Variants in UMPS observed in about 807,000 individuals in gnomAD.
The protein encoded by UMPS is uridine 5'-monophosphate synthase.
Under a neutral mutation model 38.9 loss-of-function variants are expected in UMPS, and 21 were observed. That is an observed-to-expected ratio of 0.54 (90% confidence interval 0.38 to 0.78). UMPS has a LOEUF of 0.78. Among genes scored for constraint, UMPS ranks in the 30% least tolerant of loss-of-function variants. The probability of loss-of-function intolerance (pLI) is 0.00; values close to 1 mark genes in which losing one functional copy is unlikely to be tolerated. For missense variants in UMPS, 533 were observed against 591.6 expected (o/e 0.90, Z 1.03); for synonymous variants, 208 against 219.3 (o/e 0.95, Z 0.45).
intron 5 of UMPS, among the ~76,000 whole-genome samples, chr3:124,743,194 C>T (rs180819483): frequency 1.3e-5 from 2 of 152,092 alleles, no homozygotes; most frequent in African/African-American, 4.8e-5. Flanking sequence ...ATTAGCCGGG[C>T]GTGGTGGTGC....
intron 5 of UMPS, among the ~76,000 whole-genome samples, chr3:124,743,621 G>C (rs2063572569): frequency 6.6e-6 from 1 of 151,958 alleles, no homozygotes; most frequent in Non-Finnish European, 1.5e-5. Flanking sequence ...CTGGGTGACA[G>C]AGCGAGACTC....
chr3:124,747,896 G>C lies in UMPS; in HGVS notation c.*3812G>C. 1 of 453,674 alleles carries C rather than the reference G, an allele frequency of 2.2e-6. No homozygotes were observed. The highest frequency in any genetic ancestry group is 1.6e-5 in the South Asian group (1 of 64,462). 28.1% of individuals were successfully genotyped at this position (453,674 alleles called of 1,614,324 possible). On this transcript the variant is annotated 3_prime_UTR_variant, in exon 6 of 6. Transcript: ENST00000232607. ...AGTGTCAGTCATTGAAAATGACCAT[G>C]AGTAACCCTGTGGACTCTCTGCAGC...
Position 124,746,460 on chromosome 3 carries a change from C to T in UMPS, c.*2376C>T. 2 of 454,090 alleles carry T rather than the reference C, an allele frequency of 4.4e-6. No homozygotes were observed. The highest frequency in any genetic ancestry group is 1.6e-5 in the South Asian group (1 of 64,476). The allele number at this position is 454,090 out of a possible 1,614,324, so 28.1% of individuals were successfully genotyped here. A position where few individuals can be genotyped will look rare whatever the true frequency, so the allele number is the denominator to read the frequency against. On this transcript the variant is annotated 3_prime_UTR_variant, in exon 6 of 6. Coordinates refer to ENST00000232607, the MANE Select transcript of UMPS (RefSeq NM_000373.4). ...TTACCTAAGCAGAATCCCAGTCTGG[C>T]ATCAAAGCTTTAGAGGACAAGTTGA...
intron 1 of UMPS, among the ~76,000 whole-genome samples, chr3:124,734,398 C>T (rs1294729628): frequency 6.6e-6 from 1 of 152,126 alleles, no homozygotes. Context: ...TTGAAGGCTT[C>T]TTTCAGGATA....
intron 5 of UMPS, 158 bp downstream of exon 5, chr3:124,742,424 A>G: frequency 1.6e-6 from 1 of 643,404 alleles, no homozygotes; most frequent in Non-Finnish European, 2.8e-6. Flanking sequence ...ATCTTTGGAC[A>G]AGTCAGTTTA....
chr3:124,731,967 A>T (rs1028735452), intron 1 of UMPS, among the ~76,000 whole-genome samples: 5 of 142,782 alleles, frequency 3.5e-5, no homozygotes, highest in South Asian at 4.4e-4. Context: ...CCAAATTAAA[A>T]ATTTTTTTTT....
At chr3:124,739,533 C>G (rs1158234426) in intron 3 of UMPS, among the ~76,000 whole-genome samples, 1 of 151,906 alleles carries the variant, frequency 6.6e-6, no homozygotes, top group East Asian at 1.9e-4. Flanking sequence ...GGAGTTTTGC[C>G]ATGTTGCCCA....
rs1395684350 is a variant in UMPS at position 124,746,267 on chromosome 3, C to T, written c.*2183C>T. 1.1e-5 allele frequency: 5 copies of T among 453,926 alleles called. No homozygotes were observed. The East Asian group carries it at 2.8e-4, about 25-fold the overall frequency. 28.1% of individuals were successfully genotyped at this position (453,926 alleles called of 1,614,324 possible). A position where few individuals can be genotyped will look rare whatever the true frequency, so the allele number is the denominator to read the frequency against. On this transcript the variant is annotated 3_prime_UTR_variant, in exon 6 of 6. Coordinates refer to ENST00000232607, the MANE Select transcript of UMPS (RefSeq NM_000373.4). ...TCAAATAATCACCCAGCCCCTGCCA[C>T]TTACTGAAAGTGTAGGTCCTTGTGC...
At position 124,744,070 on chromosome 3, in the gene UMPS, A is replaced by T; in HGVS notation, c.1429A>T (p.Arg477Ter). 2.5e-6 allele frequency: 4 copies of T among 1,614,142 alleles called. No homozygotes were observed. Among genetic ancestry groups the T allele is most frequent in the Non-Finnish European group, 3.4e-6 (4 of 1,179,986 alleles). The change falls in exon 6 of 6, where the codon AGA (arginine) becomes TGA (stop). Residue 477 changes from arginine to a stop codon, truncating the protein, a stop_gained. Coordinates refer to ENST00000232607, the MANE Select transcript of UMPS (RefSeq NM_000373.4). LOFTEE classifies it high-confidence loss of function. ...AGCTGCTTGGGAAGCGTATTTGAGTAGACTTGGTGTTTGAGTGCTTCAGAT... is the reference window on the plus strand; with the variant it reads ...AGCTGCTTGGGAAGCGTATTTGAGTTGACTTGGTGTTTGAGTGCTTCAGAT... ...RKAAWEAYLSRLGV is the reference protein window; with the variant it reads ...RKAAWEAYLS
At chr3:124,736,420 CATATT>C (rs17843813) in intron 2 of UMPS, among the ~76,000 whole-genome samples, 25,941 of 151,726 alleles carry the variant, frequency 0.17, 2,402 homozygotes, top group Admixed American at 0.25. Context: ...AAAAAAGAAA[CATATT>C]AGTTGAGTTT....
At chr3:124,741,032 C>G (rs1030243978) in intron 4 of UMPS, among the ~76,000 whole-genome samples, 3 of 152,126 alleles carry the variant, frequency 2.0e-5, no homozygotes, top group Non-Finnish European at 4.4e-5. Flanking sequence ...TGTGAAGATT[C>G]TAGAAGTAAA....
At chr3:124,739,052 A>T (rs756746317) in intron 3 of UMPS, among the ~76,000 whole-genome samples, 30 of 152,216 alleles carry the variant, frequency 2.0e-4, no homozygotes, top group Non-Finnish European at 3.5e-4. Context: ...TCTTTAAGTG[A>T]CTTCTTCATG....
At chr3:124,740,400 G>A (rs573307552) in intron 4 of UMPS, among the ~76,000 whole-genome samples, 1 of 152,256 alleles carries the variant, frequency 6.6e-6, no homozygotes, top group South Asian at 2.1e-4. Context: ...GGACACTTCA[G>A]GAATTTGAAT....
chr3:124,730,586 G>C lies in UMPS; in HGVS notation c.115G>C (p.Asp39His). The change falls in exon 1 of 6, where the codon GAT (aspartate) becomes CAT (histidine). Residue 39 changes from aspartate (D) to histidine (H), a missense_variant. Asp to His is a moderately conservative substitution (Grantham distance 81). Transcript: ENST00000232607. ...KSGLSSPIYI[D>H]LRGIVSRPRL... Reference sequence around the variant, plus strand: ...CGGGCTTTCCTCCCCCATCTACATCGATCTGCGGGGCATCGTGTCTCGACC... The same window carrying C: ...CGGGCTTTCCTCCCCCATCTACATCCATCTGCGGGGCATCGTGTCTCGACC... 1 of 1,612,898 alleles carries C rather than the reference G, an allele frequency of 6.2e-7. No homozygotes were observed. The highest frequency in any genetic ancestry group is 8.5e-7 in the Non-Finnish European group (1 of 1,178,994).
Position 124,742,179 on chromosome 3 carries a change from T to C in UMPS, c.1186T>C (p.Phe396Leu), listed in dbSNP as rs568154000. 6.2e-7 allele frequency: 1 copy of C among 1,614,058 alleles called. No homozygotes were observed. Among genetic ancestry groups the C allele is most frequent in the African/African-American group, 1.3e-5 (1 of 75,018 alleles). The change falls in exon 5 of 6, where the codon TTT becomes CTT. Residue 396 changes from phenylalanine to leucine, a missense_variant. Transcript: ENST00000232607. ...AVRMAEEHSE[F>L]VVGFISGSRV... ...TAGAATGGCTGAGGAGCACTCTGAA[T>C]TTGTTGTTGGTTTTATTTCTGGCTC...
chr3:124,740,318 T>C, intron 4 of UMPS, 119 bp downstream of exon 4: 1 of 1,006,680 alleles, frequency 9.9e-7, no homozygotes, highest in Non-Finnish European at 1.5e-6. Context: ...CCAGCTCTTG[T>C]TAGTGTGACA....
chr3:124,737,293 G>T (rs1465727680), intron 2 of UMPS: 2 of 347,746 alleles, frequency 5.8e-6, no homozygotes, highest in Non-Finnish European at 1.0e-5. Context: ...TTGAAAATTT[G>T]ATCATAAAAC....
rs886057895 is a variant in UMPS at position 124,748,315 on chromosome 3, A to G, written c.*4231A>G. 6.8e-5 allele frequency: 31 copies of G among 453,862 alleles called. No individual in the cohort carries two copies. The highest frequency in any genetic ancestry group is 1.2e-4 in the Admixed American group (5 of 42,538). The allele number at this position is 453,862 out of a possible 1,614,324, so 28.1% of individuals were successfully genotyped here. A position where few individuals can be genotyped will look rare whatever the true frequency, so the allele number is the denominator to read the frequency against. ...TTTGGATTACAGGATGTAGAATGCCATATTTTTCTTAGATCATAGGGCCTT... is the reference window on the plus strand; with the variant it reads ...TTTGGATTACAGGATGTAGAATGCCGTATTTTTCTTAGATCATAGGGCCTT... On this transcript the variant is annotated 3_prime_UTR_variant, in exon 6 of 6. Transcript: ENST00000232607.
chr3:124,748,862 A>G lies in UMPS; in HGVS notation c.*4778A>G, dbSNP rs1360718353. 2 of 417,984 alleles carry G rather than the reference A, an allele frequency of 4.8e-6. No individual in the cohort carries two copies. The highest frequency in any genetic ancestry group is 9.5e-6 in the Non-Finnish European group (2 of 210,706). The allele number at this position is 417,984 out of a possible 1,614,324, so 25.9% of individuals were successfully genotyped here. ...AAGCTGAATTCTCCTGTTTTTCTGAAAAGGGCATGGGAGTTAGCTGAGAAG... is the reference window on the plus strand; with the variant it reads ...AAGCTGAATTCTCCTGTTTTTCTGAGAAGGGCATGGGAGTTAGCTGAGAAG... On this transcript the variant is annotated 3_prime_UTR_variant, in exon 6 of 6. Transcript: ENST00000232607.
Sources: gnomAD v4.1 joint callset for allele counts (sites outside exome capture counted in the v4.1 genomes callset) on GRCh38, gnomAD v4.1.1 for gene constraint, MANE v1.5 for transcripts, NCBI Gene and HGNC (gene_info 2026-07-23, HGNC 2026-07-21) for gene names.